Variants in LRMDA observed in about 807,000 individuals in gnomAD.
The protein encoded by LRMDA is leucine rich melanocyte differentiation associated.
In LRMDA, 18 loss-of-function variants were observed where a neutral mutation model predicts 29.8. The observed-to-expected ratio is 0.60, with a 90% CI of 0.42 to 0.90. LRMDA has a LOEUF of 0.90. Among genes scored for constraint, LRMDA ranks in the 40% least tolerant of loss-of-function variants. LRMDA has a pLI of 0.00. For missense variants in LRMDA, 273 were observed against 273.9 expected, an observed-to-expected ratio of 1.00 and a Z score of 0.02; for synonymous variants, 125 against 109.4, an observed-to-expected ratio of 1.14 and a Z score of -0.89.
chr10:76,169,659 CA>C (rs1329022614), intron 5 of LRMDA, among the ~76,000 whole-genome samples: 2 of 152,140 alleles, frequency 1.3e-5, no homozygotes, highest in African/African-American at 4.8e-5. Flanking sequence ...GGCCTAATGA[CA>C]GTCAGAATAT....
At chr10:76,495,049 A>AT (rs554031249) in intron 6 of LRMDA, among the ~76,000 whole-genome samples, 1 of 151,770 alleles carries the variant, frequency 6.6e-6, no homozygotes, top group African/African-American at 2.4e-5. Flanking sequence ...GATGAATTGT[A>AT]TTTTTTGCTA....
At chr10:75,508,275 C>A (rs1845190490) in intron 2 of LRMDA, among the ~76,000 whole-genome samples, 1 of 152,038 alleles carries the variant, frequency 6.6e-6, no homozygotes, top group Non-Finnish European at 1.5e-5. Context: ...TTCCCCCCCT[C>A]TCCCTTCCAC....
intron 2 of LRMDA, among the ~76,000 whole-genome samples, chr10:75,578,717 A>G (rs987843938): frequency 1.3e-5 from 2 of 152,194 alleles, no homozygotes; most frequent in Non-Finnish European, 2.9e-5. Flanking sequence ...GTGCAATCAA[A>G]TTAGAACTCA....
intron 2 of LRMDA, among the ~76,000 whole-genome samples, chr10:75,639,564 A>G (rs1841427016): frequency 6.6e-6 from 1 of 152,180 alleles, no homozygotes; most frequent in African/African-American, 2.4e-5. Context: ...GGCACCGTGA[A>G]GAAGTTGGGC....
At chr10:75,639,492 A>G (rs1411584632) in intron 2 of LRMDA, among the ~76,000 whole-genome samples, 1 of 152,170 alleles carries the variant, frequency 6.6e-6, no homozygotes, top group Admixed American at 6.5e-5. Flanking sequence ...ATCAGTCTCT[A>G]TTATGGCAAA....
intron 6 of LRMDA, among the ~76,000 whole-genome samples, chr10:76,342,998 T>C (rs903339163): frequency 1.1e-4 from 16 of 152,060 alleles, no homozygotes; most frequent in Non-Finnish European, 1.5e-5. Flanking sequence ...AAAAAAACCC[T>C]GATCTGTACT....
intron 2 of LRMDA, among the ~76,000 whole-genome samples, chr10:75,953,663 A>G (rs1425188000): frequency 1.3e-5 from 2 of 152,194 alleles, no homozygotes; most frequent in African/African-American, 4.8e-5. Context: ...CTATTTAATA[A>G]AATAATGTAT....
At chr10:75,987,078 T>A (rs1564623751) in intron 2 of LRMDA, among the ~76,000 whole-genome samples, 1 of 152,238 alleles carries the variant, frequency 6.6e-6, no homozygotes, top group African/African-American at 2.4e-5. Context: ...ATTTTTTTTT[T>A]TAAGAGAGCA....
chr10:75,778,009 T>G (rs958331172), intron 2 of LRMDA, among the ~76,000 whole-genome samples: 2 of 152,132 alleles, frequency 1.3e-5, no homozygotes, highest in African/African-American at 4.8e-5. Flanking sequence ...CACTATAATC[T>G]GATTCATTTC....
chr10:75,629,076 C>A (rs1841291905), intron 2 of LRMDA, among the ~76,000 whole-genome samples: 1 of 152,194 alleles, frequency 6.6e-6, no homozygotes, highest in Admixed American at 6.5e-5. Flanking sequence ...AGTGAGAAGC[C>A]TTTTGCCTCT....
chr10:76,251,226 CTTTTTTTTTTTTTTTTTTTTTT>C (rs558637864), intron 5 of LRMDA, among the ~76,000 whole-genome samples: 6 of 70,306 alleles, frequency 8.5e-5, no homozygotes, highest in Non-Finnish European at 1.1e-4. Context: ...CCCGTCGCTT[CTTTTTTTTTTTTTTTTTTTTTT>C]TTTTTTTTTT....
In LRMDA at chr10:75,665,507, C is replaced by G. The variant is rs183831316; in HGVS notation, c.131+227013C>G. On this transcript the variant is annotated intron_variant, in intron 2 of 6. Coordinates refer to ENST00000611255, the MANE Select transcript of LRMDA (RefSeq NM_001305581.2). ...TGATAAGAACATGTGCACATGTACC[C>G]TAGAACTTAAAGTATAATAAAAAAA... Among the ~76,000 whole-genome samples, 476 of 152,256 alleles carry G rather than the reference C, an allele frequency of 3.1e-3. 4 individuals are homozygous for G. The highest frequency in any genetic ancestry group is 7.7e-3 in the Admixed American group (118 of 15,294).
intron 2 of LRMDA, among the ~76,000 whole-genome samples, chr10:75,485,617 C>G (rs1303628091): frequency 1.3e-5 from 2 of 151,928 alleles, no homozygotes; most frequent in African/African-American, 4.8e-5. Flanking sequence ...GAGTCTCACT[C>G]TGTTGCCCAG....
chr10:76,167,379 T>C (rs1189494492), intron 5 of LRMDA, among the ~76,000 whole-genome samples: 1 of 152,166 alleles, frequency 6.6e-6, no homozygotes, highest in Non-Finnish European at 1.5e-5. Flanking sequence ...ATGAAATCTT[T>C]GCCTGTTCCT....
chr10:76,359,988 TC>T (rs1841291728), intron 6 of LRMDA, among the ~76,000 whole-genome samples: 1 of 152,020 alleles, frequency 6.6e-6, no homozygotes, highest in Admixed American at 6.6e-5. Flanking sequence ...CATTTCTTTT[TC>T]TTTTGTTTTT....
chr10:75,521,455 C>T (rs900581977), intron 2 of LRMDA, among the ~76,000 whole-genome samples: 7 of 152,224 alleles, frequency 4.6e-5, no homozygotes, highest in Non-Finnish European at 1.0e-4. Context: ...CCTCGCAGGT[C>T]GATCTCAGAC....
At chr10:75,876,562 G>A (rs1845201944) in intron 2 of LRMDA, among the ~76,000 whole-genome samples, 1 of 152,124 alleles carries the variant, frequency 6.6e-6, no homozygotes, top group Non-Finnish European at 1.5e-5. Context: ...CTGCATAAGA[G>A]GTTACGGAGT....
At position 76,344,749 on chromosome 10, in the gene LRMDA, G is replaced by C. The variant is rs549519828; in HGVS notation, c.601+20264G>C. Among the ~76,000 whole-genome samples the C allele has an allele frequency of 2.6e-5, 4 of 152,106 alleles. No individual in the cohort carries two copies. In the South Asian group the frequency reaches 8.3e-4, roughly 32 times the overall value. ...TAGACTCAGTTACATGTAGAAATTT[G>C]TATATGGTAAAGTAGTATCTTAAAT... On this transcript the variant is annotated intron_variant, in intron 6 of 6. Coordinates refer to ENST00000611255, the MANE Select transcript of LRMDA (RefSeq NM_001305581.2).
At chr10:76,004,617 G>A (rs988926462) in intron 2 of LRMDA, among the ~76,000 whole-genome samples, 2 of 152,156 alleles carry the variant, frequency 1.3e-5, no homozygotes, top group Non-Finnish European at 2.9e-5. Flanking sequence ...TCCAATGTCT[G>A]CAGTTTAAAA....
Sources: gnomAD v4.1 joint callset for allele counts (sites outside exome capture counted in the v4.1 genomes callset) on GRCh38, gnomAD v4.1.1 for gene constraint, MANE v1.5 for transcripts, NCBI Gene and HGNC (gene_info 2026-07-23, HGNC 2026-07-21) for gene names.